The following MTM1 variants were observed in gnomAD, a reference collection of about 807,000 sequenced individuals.
The protein encoded by MTM1 is myotubularin.
In MTM1, 9 loss-of-function variants were observed where a neutral mutation model predicts 52.1. The ratio of observed to expected loss-of-function variants is 0.17; its 90% CI spans 0.10 to 0.30. The LOEUF is 0.30. Among genes scored for constraint, MTM1 ranks in the 10% least tolerant of loss-of-function variants. The pLI, the probability that MTM1 is intolerant of heterozygous loss-of-function variation, is 1.00. For missense variants in MTM1, 277 were observed against 470.7 expected (o/e 0.59, Z 3.81); for synonymous variants, 136 against 163.8 (o/e 0.83, Z 1.29).
chrX:150,617,753 G>GA (rs1302132893), intron 5 of MTM1, among the ~76,000 whole-genome samples: 2 of 111,273 alleles, frequency 1.8e-5, no homozygotes, highest in South Asian at 3.8e-4. Context: ...AAAGCACCTT[G>GA]AAAAAAAATG....
At chrX:150,601,891 T>C (rs1569565401) in intron 4 of MTM1, among the ~76,000 whole-genome samples, 1 of 112,265 alleles carries the variant, frequency 8.9e-6, no homozygotes, top group African/African-American at 3.2e-5. Context: ...CCCAAGTGCA[T>C]TGTTCTCAAA....
At chrX:150,565,109 G>A (rs1557411176), upstream of MTM1, among the ~76,000 whole-genome samples, 1 of 112,129 alleles carries the variant, frequency 8.9e-6, no homozygotes, top group Admixed American at 9.4e-5. Context: ...CAGTGCACAG[G>A]GGCTTACCCC....
chrX:150,611,019 C>T (rs1274360139), intron 4 of MTM1, among the ~76,000 whole-genome samples: 1 of 111,835 alleles, frequency 8.9e-6, no homozygotes, highest in African/African-American at 3.3e-5. Context: ...TAAATAACTG[C>T]ACTGTATCGA....
At chrX:150,576,212 C>A (rs2038469017) in intron 1 of MTM1, among the ~76,000 whole-genome samples, 1 of 111,307 alleles carries the variant, frequency 9.0e-6, no homozygotes, top group African/African-American at 3.3e-5. Flanking sequence ...TTATGCTAGC[C>A]TTATAAAGTG....
intron 14 of MTM1, among the ~76,000 whole-genome samples, chrX:150,664,441 A>G (rs782108855): frequency 8.9e-6 from 1 of 112,636 alleles, no homozygotes; most frequent in South Asian, 3.6e-4. Context: ...CATTCCTCTC[A>G]GGCAGTTGGC....
chrX:150,661,241 C>T (rs1359448837), intron 13 of MTM1, among the ~76,000 whole-genome samples: 2 of 110,821 alleles, frequency 1.8e-5, no homozygotes, highest in African/African-American at 3.3e-5. Flanking sequence ...CTGGGCTGGT[C>T]TCGAACTCCT....
intron 1 of MTM1, among the ~76,000 whole-genome samples, chrX:150,583,484 TATTATATATAA>T (rs1462305170): frequency 2.7e-5 from 1 of 36,932 alleles, no homozygotes; most frequent in Non-Finnish European, 4.3e-5. Flanking sequence ...AAATTATATA[TATTATATATAA>T]ATTATAAATA....
intron 13 of MTM1, among the ~76,000 whole-genome samples, chrX:150,661,050 G>A (rs1557414665): frequency 9.0e-6 from 1 of 110,904 alleles, no homozygotes; most frequent in Admixed American, 9.6e-5. Flanking sequence ...TTGAGACAGG[G>A]TTTCACTGTC....
intron 6 of MTM1, among the ~76,000 whole-genome samples, chrX:150,628,812 G>A (rs1336381899): frequency 2.8e-5 from 3 of 106,771 alleles, no homozygotes; most frequent in African/African-American, 6.9e-5. Context: ...ACAGCTCACC[G>A]CAGCCCGCAG....
At chrX:150,591,367 G>A (rs1203890438) in intron 1 of MTM1, among the ~76,000 whole-genome samples, 2 of 111,982 alleles carry the variant, frequency 1.8e-5, no homozygotes, top group Non-Finnish European at 3.8e-5. Flanking sequence ...TCCAGTGTGC[G>A]CCAGGATACA....
chrX:150,608,558 G>A (rs1557412887), intron 4 of MTM1, among the ~76,000 whole-genome samples: 1 of 111,356 alleles, frequency 9.0e-6, no homozygotes, highest in Admixed American at 9.5e-5. Context: ...TGTATATATC[G>A]TGTGCAACGT....
At chrX:150,581,753 T>C (rs1458225372) in intron 1 of MTM1, among the ~76,000 whole-genome samples, 1 of 112,146 alleles carries the variant, frequency 8.9e-6, no homozygotes, top group African/African-American at 3.2e-5. Context: ...TCAGATTGCC[T>C]AGATTTCAGT....
At position 150,645,714 on chromosome X, in the gene MTM1, C is replaced by T. The variant is rs375590163; in HGVS notation, c.710C>T (p.Thr237Met). 18 of 1,209,928 alleles carry T rather than the reference C, an allele frequency of 1.5e-5. No individual in the cohort carries two copies. The highest frequency in any genetic ancestry group is 1.8e-5 in the South Asian group (1 of 56,859). The stretch of plus-strand genomic sequence containing the variant: ...TCATGGATTCATCCAGAAAATAAGA[C>T]GGTCATTGTGCGTTGCAGTCAGCCT... ...VLSWIHPENK[T>M]VIVRCSQPLV... The change falls in exon 9 of 15, where the codon ACG (threonine) becomes ATG (methionine). Residue 237 changes from threonine (T) to methionine (M), a missense_variant. By Grantham distance (81) the Thr-to-Met change is moderately conservative (BLOSUM62 -1). Transcript: ENST00000370396.
intron 6 of MTM1, among the ~76,000 whole-genome samples, chrX:150,632,527 T>C (rs782801179): frequency 1.8e-5 from 2 of 111,584 alleles, no homozygotes; most frequent in Non-Finnish European, 3.8e-5. Context: ...TAAATTTCCA[T>C]TTCAAAAAGA....
At chrX:150,656,045 T>C (rs2040107687) in intron 10 of MTM1, among the ~76,000 whole-genome samples, 1 of 111,752 alleles carries the variant, frequency 8.9e-6, no homozygotes, top group Admixed American at 9.5e-5. Flanking sequence ...TAAGAGTTGA[T>C]ATATTGCCAA....
chrX:150,656,787 A>G (rs1295125284), intron 10 of MTM1, among the ~76,000 whole-genome samples: 2 of 112,083 alleles, frequency 1.8e-5, no homozygotes, highest in Non-Finnish European at 3.8e-5. Context: ...CAAGAAAAAA[A>G]CAACCCCATC....
intron 4 of MTM1, 92 bp downstream of exon 4, chrX:150,598,778 C>A: frequency 1.7e-6 from 1 of 603,600 alleles, no homozygotes; most frequent in African/African-American, 2.2e-5. Flanking sequence ...GACTGTGGGT[C>A]AAATTAACAT....
chrX:150,577,892 G>C lies in MTM1; in HGVS notation c.-11+9230G>C, dbSNP rs782343130. ...CTGTGTTCCTTCCAGAACTTTTTTA[G>C]TCCTGCTCTTATGTTTAGATCTGTT... On this transcript the variant is annotated intron_variant, in intron 1 of 14. Coordinates refer to ENST00000370396, the MANE Select transcript of MTM1 (RefSeq NM_000252.3). Among the ~76,000 whole-genome samples, 6 of 111,768 alleles carry C rather than the reference G, an allele frequency of 5.4e-5. No homozygotes were observed. In the South Asian group the frequency reaches 2.2e-3, roughly 41 times the overall value.
intron 13 of MTM1, 158 bp from the exon 14 acceptor site, chrX:150,663,275 C>G (rs2040253266): frequency 3.6e-6 from 2 of 557,864 alleles, no homozygotes; most frequent in Admixed American, 5.8e-5. Context: ...CTGCCAAGCA[C>G]TCACTGGCCC....
Sources: allele counts gnomAD v4.1 joint callset (sites outside exome capture counted in the v4.1 genomes callset), GRCh38; gene constraint gnomAD v4.1.1; transcripts MANE v1.5; gene names NCBI Gene and HGNC (gene_info 2026-07-23, HGNC 2026-07-21).